The following SRGAP2B variants were observed in gnomAD, a reference collection of about 807,000 sequenced individuals.
SRGAP2B encodes the protein SLIT-ROBO Rho GTPase-activating protein 2B.
Under a neutral mutation model 22.2 loss-of-function variants are expected in SRGAP2B, and 9 were observed. The ratio of observed to expected loss-of-function variants is 0.41; its 90% confidence interval spans 0.24 to 0.71. The LOEUF is 0.71. Ranked by LOEUF, SRGAP2B falls within the 30% of genes least tolerant of loss-of-function variation. The probability of loss-of-function intolerance (pLI) is 0.35; values close to 1 mark genes in which losing one functional copy is unlikely to be tolerated. For synonymous variants in SRGAP2B, 36 were observed against 87.4 expected, an observed-to-expected ratio of 0.41 and a Z score of 3.28; for missense variants, 114 against 235.8, an observed-to-expected ratio of 0.48 and a Z score of 3.38.
rs1220331377 is a variant in SRGAP2B, at chr1:144,905,032, G to A, written c.831+59C>T. ...TGAACAATAGTATCAGGGAATGTCT[G>A]ACGAGTATTCTGAAACCAGAAAAGA... On this transcript the variant is annotated intron_variant, in intron 7 of 9. Transcript: ENST00000612199. 1.2e-4 allele frequency: 83 copies of A among 717,494 alleles called. 1 individual carries two copies. Among genetic ancestry groups the A allele is most frequent in the South Asian group, 4.3e-4 (29 of 67,598 alleles). 44.4% of individuals were successfully genotyped at this position (717,494 alleles called of 1,614,324 possible). A position where few individuals can be genotyped will look rare whatever the true frequency, so the allele number is the denominator to read the frequency against.
exon 3 of SRGAP2B, chr1:144,995,074 C>A (rs781893653): frequency 3.9e-6 from 6 of 1,539,308 alleles, no homozygotes; most frequent in Non-Finnish European, 2.6e-6. Flanking sequence ...CTCCAGGTTG[C>A]GGGAGTAGTC....
chr1:144,920,269 C>A (rs1178435141), intron 4 of SRGAP2B, among the ~76,000 whole-genome samples: 1 of 150,272 alleles, frequency 6.7e-6, no homozygotes, highest in African/African-American at 2.5e-5. Flanking sequence ...TTTTTCTTTT[C>A]TTTCTTTCTT....
intron 3 of SRGAP2B, among the ~76,000 whole-genome samples, chr1:144,981,148 G>A (rs868978466): frequency 2.2e-4 from 33 of 149,470 alleles, no homozygotes; most frequent in Middle Eastern, 3.4e-3. Context: ...AGATGACACA[G>A]CTTTTGCCTT....
At chr1:145,019,919 C>T (rs1400343016) in intron 2 of SRGAP2B, among the ~76,000 whole-genome samples, 2 of 151,088 alleles carry the variant, frequency 1.3e-5, no homozygotes, top group African/African-American at 4.9e-5. Flanking sequence ...CCACAGTGGC[C>T]TTCTTGCCAT....
chr1:144,917,748 A>C (rs1663963688), intron 4 of SRGAP2B: 1 of 123,190 alleles, frequency 8.1e-6, no homozygotes, highest in Admixed American at 8.0e-5. Flanking sequence ...AGCCCACTTA[A>C]AATGTGCAAT....
At chr1:145,075,986 G>A (rs1309895760) in intron 2 of SRGAP2B, among the ~76,000 whole-genome samples, 1 of 149,984 alleles carries the variant, frequency 6.7e-6, no homozygotes, top group African/African-American at 2.5e-5. Context: ...TACTTGGGAG[G>A]AGGCCATATA....
intron 2 of SRGAP2B, among the ~76,000 whole-genome samples, chr1:145,044,205 C>A (rs10903192): frequency 7.5e-6 from 1 of 133,324 alleles, no homozygotes; most frequent in East Asian, 2.1e-4. Flanking sequence ...TCCTGGAACA[C>A]CTTTTTTTTT....
intron 4 of SRGAP2B, among the ~76,000 whole-genome samples, chr1:144,916,196 G>C (rs1303264539): frequency 2.1e-5 from 3 of 146,100 alleles, no homozygotes; most frequent in Non-Finnish European, 4.5e-5. Flanking sequence ...ACCACTCTAA[G>C]TGTTGTTATG....
At chr1:145,001,741 C>T (rs1427130240) in intron 2 of SRGAP2B, among the ~76,000 whole-genome samples, 1 of 150,410 alleles carries the variant, frequency 6.6e-6, no homozygotes, top group African/African-American at 2.5e-5. Context: ...ACAAAACAGG[C>T]CAGGCACAGT....
chr1:144,993,695 G>C (rs1393757315), intron 3 of SRGAP2B, among the ~76,000 whole-genome samples: 1 of 147,350 alleles, frequency 6.8e-6, no homozygotes, highest in African/African-American at 2.6e-5. Flanking sequence ...CTGGGTGACA[G>C]AGCAAGACCT....
chr1:144,956,440 T>G (rs76800404), intron 3 of SRGAP2B, among the ~76,000 whole-genome samples: 5 of 73,328 alleles, frequency 6.8e-5, no homozygotes, highest in Middle Eastern at 0.014. Context: ...GCTCATTCCC[T>G]TTTTTTTTTT....
intron 2 of SRGAP2B, among the ~76,000 whole-genome samples, chr1:145,088,398 T>C (rs587711280): frequency 1.0e-4 from 13 of 130,492 alleles, no homozygotes; most frequent in Admixed American, 7.8e-4. Context: ...CAGATGGAAA[T>C]TACAAAATTT....
chr1:145,090,124 C>T (rs1471818659), intron 2 of SRGAP2B, among the ~76,000 whole-genome samples: 1 of 146,966 alleles, frequency 6.8e-6, no homozygotes, highest in Non-Finnish European at 1.5e-5. Flanking sequence ...TCTGGCAGCA[C>T]CATGAGTCCC....
chr1:144,994,972 C>T, intron 3 of SRGAP2B, 36 bp downstream of exon 3: 1 of 1,346,918 alleles, frequency 7.4e-7, no homozygotes, highest in East Asian at 2.6e-5. Flanking sequence ...CCCCATATTC[C>T]AAGGTCTCAG....
At chr1:144,984,773 C>T (rs1265036287) in intron 3 of SRGAP2B, among the ~76,000 whole-genome samples, 1 of 150,748 alleles carries the variant, frequency 6.6e-6, no homozygotes, top group Non-Finnish European at 1.5e-5. Flanking sequence ...GGTTAATCTT[C>T]CTTAATCAGA....
At position 144,988,768 on chromosome 1, in the gene SRGAP2B, G is replaced by A. The variant is rs13373900; in HGVS notation, c.260+6240C>T. On this transcript the variant is annotated intron_variant, in intron 3 of 9. Transcript: ENST00000612199. The stretch of plus-strand genomic sequence containing the variant: ...CTCCACCTGGATACCTGATGGCCTC[G>A]TACTGCTCTACACCCAAAATGTTCA... Among the ~76,000 whole-genome samples, 76 of 149,430 alleles carry A rather than the reference G, an allele frequency of 5.1e-4. 4 individuals are homozygous for A. Among genetic ancestry groups the A allele is most frequent in the African/African-American group, 1.9e-3 (76 of 39,448 alleles).
intron 2 of SRGAP2B, among the ~76,000 whole-genome samples, chr1:145,068,267 G>A (rs1272453159): frequency 6.8e-6 from 1 of 146,998 alleles, no homozygotes; most frequent in Non-Finnish European, 1.5e-5. Context: ...CCTCAGTCTT[G>A]TTAATAACTC....
exon 7 of SRGAP2B, chr1:144,905,163 G>A: frequency 1.3e-6 from 1 of 776,382 alleles, no homozygotes. Flanking sequence ...AAGCCAGCAA[G>A]TACTCATTCC....
At chr1:145,094,073 G>C (rs1553636609) in intron 1 of SRGAP2B, among the ~76,000 whole-genome samples, 1 of 126,210 alleles carries the variant, frequency 7.9e-6, no homozygotes, top group Non-Finnish European at 1.6e-5. Context: ...CGGGAAAACC[G>C]GGGGGCGGCG....
Sources: allele counts gnomAD v4.1 joint callset (sites outside exome capture counted in the v4.1 genomes callset), GRCh38; gene constraint gnomAD v4.1.1; transcripts MANE v1.5; gene names NCBI Gene and HGNC (gene_info 2026-07-23, HGNC 2026-07-21).